The following ARNT2 variants were observed in gnomAD, a reference collection of about 807,000 sequenced individuals.
The protein encoded by ARNT2 is ARNT protein 2.
ARNT2 carries 36 observed loss-of-function variants against 91.7 expected under a neutral mutation model. The observed-to-expected ratio is 0.39, with a 90% CI of 0.30 to 0.52. The LOEUF (loss-of-function observed/expected upper bound fraction) is 0.52, where lower values mean the gene tolerates loss of function less well. Among genes scored for constraint, ARNT2 ranks in the 20% least tolerant of loss-of-function variants. ARNT2 has a pLI of 0.72. For synonymous variants in ARNT2, 365 were observed against 347.1 expected (o/e 1.05, Z -0.57); for missense variants, 775 against 939.3 (o/e 0.83, Z 2.29).
At chr15:80,587,887 G>A (rs1326025377) in intron 17 of ARNT2, among the ~76,000 whole-genome samples, 1 of 152,242 alleles carries the variant, frequency 6.6e-6, no homozygotes, top group Non-Finnish European at 1.5e-5. Flanking sequence ...TAGACACGAA[G>A]TGGGAGATGA....
Position 80,525,838 on chromosome 15 carries a change from A to G in ARNT2, c.877+11433A>G, listed in dbSNP as rs145460353. ...GATGCCTTGTAAGTGTTCATGGGGA[A>G]TGCTGCCCTTGCTTGCTCATGAGTT... On this transcript the variant is annotated intron_variant, in intron 8 of 18. Transcript: ENST00000303329. Among the ~76,000 whole-genome samples, 122 of 152,306 alleles carry G rather than the reference A, an allele frequency of 8.0e-4. No individual in the cohort carries two copies. The East Asian group carries it at 0.023, about 28-fold the overall frequency.
intron 3 of ARNT2, 117 bp downstream of exon 3, chr15:80,458,093 T>C: frequency 9.1e-7 from 1 of 1,095,168 alleles, no homozygotes; most frequent in Non-Finnish European, 1.3e-6. Flanking sequence ...GCAGTTTGAC[T>C]GGTCCCTCAC....
intron 8 of ARNT2, among the ~76,000 whole-genome samples, chr15:80,528,243 G>A (rs983704126): frequency 1.3e-5 from 2 of 152,096 alleles, no homozygotes; most frequent in Non-Finnish European, 2.9e-5. Flanking sequence ...CCACACTCAG[G>A]GAGGCTGATT....
chr15:80,413,884 C>T (rs1895737442), intron 1 of ARNT2, among the ~76,000 whole-genome samples: 1 of 152,136 alleles, frequency 6.6e-6, no homozygotes, highest in Non-Finnish European at 1.5e-5. Flanking sequence ...CAACTTCCTG[C>T]CTGTTTTGGC....
chr15:80,480,517 T>C (rs1330023112), intron 5 of ARNT2, among the ~76,000 whole-genome samples: 3 of 152,190 alleles, frequency 2.0e-5, no homozygotes, highest in Non-Finnish European at 2.9e-5. Flanking sequence ...CTGGCTGTCC[T>C]GGCTGGAAAG....
At chr15:80,569,274 A>G (rs1029238649) in intron 12 of ARNT2, among the ~76,000 whole-genome samples, 1 of 152,134 alleles carries the variant, frequency 6.6e-6, no homozygotes, top group African/African-American at 2.4e-5. Context: ...AGGAAGCCGC[A>G]CTTGATGCAT....
At chr15:80,479,851 G>A (rs986769062) in intron 5 of ARNT2, among the ~76,000 whole-genome samples, 2 of 152,184 alleles carry the variant, frequency 1.3e-5, no homozygotes, top group Admixed American at 1.3e-4. Context: ...GAGCTAAGAT[G>A]TGAGGTCCAC....
chr15:80,569,493 G>T (rs1476522301), intron 12 of ARNT2, among the ~76,000 whole-genome samples: 1 of 152,184 alleles, frequency 6.6e-6, no homozygotes, highest in Admixed American at 6.5e-5. Flanking sequence ...CTCTTCTCAG[G>T]ATGGGGCAGC....
chr15:80,597,003 C>T lies in ARNT2; in HGVS notation c.*3305C>T, dbSNP rs1596031170. 2.6e-6 allele frequency: 1 copy of T among 377,880 alleles called. No individual in the cohort carries two copies. Among genetic ancestry groups the T allele is most frequent in the Non-Finnish European group, 5.3e-6 (1 of 190,192 alleles). The allele number at this position is 377,880 out of a possible 1,614,324, so 23.4% of individuals were successfully genotyped here. On this transcript the variant is annotated 3_prime_UTR_variant, in exon 19 of 19. Transcript: ENST00000303329. ...CATTCTGCTCTACTCTCCAACATAC[C>T]AGATTCTACACTGTTGTTATTTCAT...
At position 80,591,172 on chromosome 15, in the gene ARNT2, T is replaced by C. The variant is rs4778831; in HGVS notation, c.1919-396T>C. Among the ~76,000 whole-genome samples, 6,184 of 152,240 alleles carry C rather than the reference T, an allele frequency of 0.041. 409 individuals are homozygous for C. Among genetic ancestry groups the C allele is most frequent in the African/African-American group, 0.14 (5,890 of 41,506 alleles). On this transcript the variant is annotated intron_variant, in intron 17 of 18. Transcript: ENST00000303329. This position sits in a 1 kb window ranked among gnomAD's most constrained non-coding sequence, Gnocchi z 5.1. ...CTTCCTCCTCATGCCAACACCATAC[T>C]GCTGAGGACAGACCCTCTCTCAGCC...
intron 8 of ARNT2, among the ~76,000 whole-genome samples, chr15:80,546,785 A>G: frequency 6.6e-6 from 1 of 152,142 alleles, no homozygotes; most frequent in Non-Finnish European, 1.5e-5. Flanking sequence ...CAAGATGGTG[A>G]AACCCCGTCT....
chr15:80,442,946 C>T (rs1467018040), intron 1 of ARNT2: 1 of 985,314 alleles, frequency 1.0e-6, no homozygotes, highest in East Asian at 1.1e-4. Flanking sequence ...GGCGTGCCCT[C>T]CTTGCGGCTC....
chr15:80,457,143 G>T (rs1377342638), intron 2 of ARNT2, among the ~76,000 whole-genome samples: 1 of 152,214 alleles, frequency 6.6e-6, no homozygotes, highest in Non-Finnish European at 1.5e-5. Context: ...CCATTACAGA[G>T]ACATGATTTT....
At chr15:80,436,846 A>G (rs996758753) in intron 1 of ARNT2, among the ~76,000 whole-genome samples, 1 of 152,216 alleles carries the variant, frequency 6.6e-6, no homozygotes, top group Non-Finnish European at 1.5e-5. Flanking sequence ...CTGTGAGCCC[A>G]GCGGGCATGA....
At chr15:80,490,078 G>GCA (rs1341244678) in intron 5 of ARNT2, among the ~76,000 whole-genome samples, 1 of 151,934 alleles carries the variant, frequency 6.6e-6, no homozygotes, top group African/African-American at 2.4e-5. Flanking sequence ...AGGGATTCGT[G>GCA]CACACACTTT....
At chr15:80,499,871 A>C (rs746843110) in intron 5 of ARNT2, among the ~76,000 whole-genome samples, 1 of 152,190 alleles carries the variant, frequency 6.6e-6, no homozygotes, top group Non-Finnish European at 1.5e-5. Context: ...TTTCTCAAGA[A>C]AGCATTGTGG....
chr15:80,439,977 C>T (rs1032390054), intron 1 of ARNT2, among the ~76,000 whole-genome samples: 4 of 152,180 alleles, frequency 2.6e-5, no homozygotes, highest in African/African-American at 9.7e-5. Context: ...ACTCTTCCAC[C>T]AGCAACCCAT....
intron 5 of ARNT2, among the ~76,000 whole-genome samples, chr15:80,505,952 C>A (rs1021351355): frequency 8.1e-4 from 31 of 38,350 alleles, no homozygotes; most frequent in African/African-American, 4.3e-3. Flanking sequence ...TTTTTTGAGA[C>A]GGAGTCTTGC....
At chr15:80,521,790 A>AAT (rs1179560734) in intron 8 of ARNT2, among the ~76,000 whole-genome samples, 1 of 152,170 alleles carries the variant, frequency 6.6e-6, no homozygotes, top group African/African-American at 2.4e-5. Flanking sequence ...GCTTAAACTT[A>AAT]ATATATATCA....
Sources: gnomAD v4.1 joint callset for allele counts (sites outside exome capture counted in the v4.1 genomes callset) on GRCh38, gnomAD v4.1.1 for gene constraint, Gnocchi (gnomAD v3.1) non-coding constraint, MANE v1.5 for transcripts, NCBI Gene and HGNC (gene_info 2026-07-23, HGNC 2026-07-21) for gene names.